KIF13A: variants seen among roughly 807,000 people sequenced by gnomAD.
KIF13A encodes kinesin family member 13A.
A neutral mutation model predicts 212.2 loss-of-function variants in KIF13A; 79 were observed. The observed-to-expected ratio is 0.37, with a 90% CI of 0.31 to 0.45. The LOEUF is 0.45. Ranked by LOEUF, KIF13A falls within the 20% of genes least tolerant of loss-of-function variation. The pLI, the probability that KIF13A is intolerant of heterozygous loss-of-function variation, is 1.00. For missense variants in KIF13A, 1,901 were observed against 2,209.0 expected (o/e 0.86, Z 2.79); for synonymous variants, 789 against 808.6 (o/e 0.98, Z 0.41).
At chr6:17,781,389 T>A in intron 29 of KIF13A, 88 bp from the exon 30 acceptor site, 1 of 1,372,474 alleles carries the variant, frequency 7.3e-7, no homozygotes, top group Non-Finnish European at 9.8e-7. Flanking sequence ...CTTTTTACAG[T>A]TGAAGTTTAC....
At chr6:17,846,455 T>C (rs1490170812) in intron 9 of KIF13A, among the ~76,000 whole-genome samples, 3 of 151,822 alleles carry the variant, frequency 2.0e-5, no homozygotes, top group Non-Finnish European at 2.9e-5. Flanking sequence ...ACACATCCAT[T>C]TGTGAAAGAG....
chr6:17,981,286 A>C (rs959648086), intron 2 of KIF13A, among the ~76,000 whole-genome samples: 1 of 152,144 alleles, frequency 6.6e-6, no homozygotes, highest in Non-Finnish European at 1.5e-5. Flanking sequence ...GTATTTTTTC[A>C]TAACCTTTGA....
At chr6:17,788,755 G>A (rs1581925349) in intron 26 of KIF13A, among the ~76,000 whole-genome samples, 3 of 152,004 alleles carry the variant, frequency 2.0e-5, no homozygotes, top group Non-Finnish European at 2.9e-5. Context: ...ACAGAGTTTC[G>A]CTCTTGTCGC....
At chr6:17,931,917 T>C (rs1776017056) in intron 2 of KIF13A, among the ~76,000 whole-genome samples, 1 of 152,100 alleles carries the variant, frequency 6.6e-6, no homozygotes, top group Admixed American at 6.5e-5. Context: ...TAATGGTAAA[T>C]TTTCCTTCTA....
Position 17,839,737 on chromosome 6 carries a change from C to T in KIF13A, c.831-2154G>A, listed in dbSNP as rs920984359. Among the ~76,000 whole-genome samples, 6 of 152,006 alleles carry T rather than the reference C, an allele frequency of 3.9e-5. No homozygotes were observed. The highest frequency in any genetic ancestry group is 1.3e-4 in the Admixed American group (2 of 15,262). On this transcript the variant is annotated intron_variant, in intron 9 of 38. Transcript: ENST00000259711. This position sits in a 1 kb window ranked among gnomAD's most constrained non-coding sequence, Gnocchi z 4.3. ...GTCATATAAAGACACCCAGGGGAGA[C>T]GGCCACGTGAAGATGCAGGCAGAGA...
In KIF13A at chr6:17,805,609, C is replaced by T. The variant is rs767276586; in HGVS notation, c.2170G>A (p.Ala724Thr). Reference protein sequence around the residue: ...ANLSANRKRGAIVSEPAIQVR... With the variant: ...ANLSANRKRGTIVSEPAIQVR... ...TGGATAGCTGGTTCACTCACTATTG[C>T]ACCTCTCTGCATAAGGAAGAAAAAC... The change falls in exon 19 of 39, where the codon GCA becomes ACA. Residue 724 changes from alanine to threonine, a missense_variant. Ala to Thr is a moderately conservative substitution (Grantham distance 58). This residue lies in a region of KIF13A where 534 missense variants were observed against 536.9 expected (regional missense o/e 0.99). Transcript: ENST00000259711. 2 of 1,603,416 alleles carry T rather than the reference C, an allele frequency of 1.2e-6. No homozygotes were observed. The highest frequency in any genetic ancestry group is 1.7e-6 in the Non-Finnish European group (2 of 1,174,004).
intron 2 of KIF13A, among the ~76,000 whole-genome samples, chr6:17,980,299 T>C (rs150575050): frequency 6.6e-6 from 1 of 152,358 alleles, no homozygotes; most frequent in Non-Finnish European, 1.5e-5. Context: ...ATACTTTTCA[T>C]AGTTTCAAAA....
At chr6:17,806,390 C>T (rs2150341184) in intron 18 of KIF13A, among the ~76,000 whole-genome samples, 1 of 152,282 alleles carries the variant, frequency 6.6e-6, no homozygotes, top group Non-Finnish European at 1.5e-5. Flanking sequence ...TCTCTATGGA[C>T]ACTTCTATGA....
At chr6:17,933,370 C>T (rs1049392888) in intron 2 of KIF13A, among the ~76,000 whole-genome samples, 1 of 151,858 alleles carries the variant, frequency 6.6e-6, no homozygotes, top group Non-Finnish European at 1.5e-5. Context: ...CCTCAGCCTC[C>T]CAAGTAGCTG....
intron 2 of KIF13A, among the ~76,000 whole-genome samples, chr6:17,905,157 C>T (rs1490763517): frequency 6.6e-6 from 1 of 152,192 alleles, no homozygotes; most frequent in Non-Finnish European, 1.5e-5. Context: ...AGCTTATTAG[C>T]TATCATTAGT....
At chr6:17,851,106 G>A (rs1004976693) in intron 7 of KIF13A, among the ~76,000 whole-genome samples, 2 of 152,150 alleles carry the variant, frequency 1.3e-5, no homozygotes, top group African/African-American at 2.4e-5. Flanking sequence ...CAACCACACT[G>A]AGCTAAGAAC....
chr6:17,803,381 G>A (rs1022963641), intron 20 of KIF13A, among the ~76,000 whole-genome samples: 7 of 152,090 alleles, frequency 4.6e-5, no homozygotes, highest in Admixed American at 6.6e-5. Context: ...TGTCCATGGG[G>A]TGTTTCCATA....
At chr6:17,820,476 C>A (rs977103934) in intron 16 of KIF13A, among the ~76,000 whole-genome samples, 77 of 152,212 alleles carry the variant, frequency 5.1e-4, no homozygotes, top group African/African-American at 1.8e-3. Flanking sequence ...CTTTACCCCA[C>A]ACACAGCATA....
rs1199375872 is a variant in KIF13A, at chr6:17,834,670, C to G, written c.1156-599G>C. Reference sequence around the variant, plus strand: ...TAAGAGGTTTCAATACAGATACTTGCAGCTTAACAAAATTTTGAGGGGAGA... The same window carrying G: ...TAAGAGGTTTCAATACAGATACTTGGAGCTTAACAAAATTTTGAGGGGAGA... On this transcript the variant is annotated intron_variant, in intron 11 of 38. Coordinates refer to ENST00000259711, the MANE Select transcript of KIF13A (RefSeq NM_022113.6). The surrounding 1 kb of genome is among the most constrained non-coding windows in gnomAD (Gnocchi z 4.0). Among the ~76,000 whole-genome samples, 1 of 152,178 alleles carries G rather than the reference C, an allele frequency of 6.6e-6. No homozygotes were observed. Among genetic ancestry groups the G allele is most frequent in the Non-Finnish European group, 1.5e-5 (1 of 68,022 alleles).
chr6:17,817,297 C>CTAAA, intron 16 of KIF13A, 64 bp from the exon 17 acceptor site: 1 of 1,434,318 alleles, frequency 7.0e-7, no homozygotes, highest in East Asian at 2.3e-5. Context: ...TCATGCCAGG[C>CTAAA]ACTGCAGCCT....
In KIF13A at chr6:17,838,558, T is replaced by C. The variant is rs539483185; in HGVS notation, c.831-975A>G. Among the ~76,000 whole-genome samples the C allele has an allele frequency of 1.4e-3, 214 of 152,308 alleles. 3 individuals carry two copies. Among genetic ancestry groups the C allele is most frequent in the Non-Finnish European group, 2.2e-3 (150 of 68,024 alleles). ...TGAACCAGAATTCATTTGATCAGAA[T>C]GGCTGTTAGAATTTTAATAACAGCC... On this transcript the variant is annotated intron_variant, in intron 9 of 38. Coordinates refer to ENST00000259711, the MANE Select transcript of KIF13A (RefSeq NM_022113.6). This position sits in a 1 kb window ranked among gnomAD's most constrained non-coding sequence, Gnocchi z 4.2.
At chr6:17,819,767 T>C (rs1764278319) in intron 16 of KIF13A, among the ~76,000 whole-genome samples, 1 of 152,228 alleles carries the variant, frequency 6.6e-6, no homozygotes, top group East Asian at 1.9e-4. Flanking sequence ...TTTGAGGGCA[T>C]CTGAAGACAT....
intron 2 of KIF13A, among the ~76,000 whole-genome samples, chr6:17,923,310 CA>C (rs1775240613): frequency 6.8e-6 from 1 of 147,006 alleles, no homozygotes; most frequent in African/African-American, 2.5e-5. Flanking sequence ...AAATAAATAA[CA>C]ATAAAATAAA....
intron 17 of KIF13A, among the ~76,000 whole-genome samples, chr6:17,814,015 T>G (rs142312451): frequency 4.8e-5 from 7 of 144,486 alleles, no homozygotes; most frequent in Middle Eastern, 7.6e-3. Flanking sequence ...TGCAGTGGCA[T>G]GATCTCAGCT....
Sources: gnomAD v4.1 joint callset for allele counts (sites outside exome capture counted in the v4.1 genomes callset) on GRCh38, gnomAD v4.1.1 for gene constraint, gnomAD v4.1.1 regional missense constraint, Gnocchi (gnomAD v3.1) non-coding constraint, MANE v1.5 for transcripts, NCBI Gene and HGNC (gene_info 2026-07-23, HGNC 2026-07-21) for gene names.